The following PDE8B variants were observed in gnomAD, a reference collection of about 807,000 sequenced individuals.
PDE8B encodes phosphodiesterase 8B, also known as high affinity cAMP-specific and IBMX-insensitive 3',5'-cyclic phosphodiesterase 8B.
Under a neutral mutation model 101.3 loss-of-function variants are expected in PDE8B, and 26 were observed. The ratio of observed to expected loss-of-function variants is 0.26; its 90% CI spans 0.19 to 0.36. The LOEUF is 0.36. Ranked by LOEUF, PDE8B falls within the 10% of genes least tolerant of loss-of-function variation. PDE8B has a pLI of 1.00. For missense variants in PDE8B, 810 were observed against 1,163.1 expected, an observed-to-expected ratio of 0.70 and a Z score of 4.42; for synonymous variants, 424 against 429.3, an observed-to-expected ratio of 0.99 and a Z score of 0.15.
chr5:77,154,705 G>A, the PDE8B span, among the ~76,000 whole-genome samples: 21 of 152,270 alleles, frequency 1.4e-4, no homozygotes, highest in African/African-American at 4.3e-4. Context: ...ACCTTGTGAC[G>A]TGACACATAG....
intron 17 of PDE8B, among the ~76,000 whole-genome samples, chr5:77,417,928 A>C (rs1212184655): frequency 6.6e-6 from 1 of 152,196 alleles, no homozygotes; most frequent in African/African-American, 2.4e-5. Context: ...TGGCAGAAAT[A>C]CCATACAGTG....
the PDE8B span, among the ~76,000 whole-genome samples, chr5:77,182,917 A>AT: frequency 0.016 from 2,466 of 151,604 alleles, 69 homozygotes; most frequent in African/African-American, 0.057. Flanking sequence ...CAGGATGACA[A>AT]TTTTTTTTAC....
At chr5:77,414,134 C>G (rs558371457) in intron 17 of PDE8B, among the ~76,000 whole-genome samples, 1 of 152,086 alleles carries the variant, frequency 6.6e-6, no homozygotes, top group Non-Finnish European at 1.5e-5. Flanking sequence ...GATTAAGGTC[C>G]TAGGTACTTA....
the PDE8B span, among the ~76,000 whole-genome samples, chr5:77,116,220 A>ATTTTTT: frequency 1.3e-5 from 1 of 75,904 alleles, no homozygotes; most frequent in African/African-American, 7.2e-5. Context: ...ATATATATAT[A>ATTTTTT]TATATTTTTT....
Position 77,211,372 on chromosome 5 carries a change from T to G in PDE8B, c.339+108T>G. On this transcript the variant is annotated intron_variant, in intron 1 of 21. Coordinates refer to ENST00000264917, the MANE Select transcript of PDE8B (RefSeq NM_003719.5). This position sits in a 1 kb window ranked among gnomAD's most constrained non-coding sequence, Gnocchi z 4.1. ...TTGGGTGACCGTGAGGCGGTTGGTT[T>G]GGAGAGGTTGTCACTAAGGAGGAGT... is the stretch of plus-strand genomic sequence containing the variant. The G allele has an allele frequency of 1.0e-6, 1 of 998,470 alleles. No homozygotes were observed. The highest frequency in any genetic ancestry group is 1.6e-5 in the South Asian group (1 of 62,964). 61.9% of individuals were successfully genotyped at this position (998,470 alleles called of 1,614,324 possible).
intron 1 of PDE8B, among the ~76,000 whole-genome samples, chr5:77,248,896 C>T (rs2149602569): frequency 6.6e-6 from 1 of 152,286 alleles, no homozygotes; most frequent in Admixed American, 6.5e-5. Context: ...ACTCCCCACT[C>T]CCTGCCATGT....
intron 3 of PDE8B, among the ~76,000 whole-genome samples, chr5:77,328,121 G>C (rs2150257772): frequency 6.6e-6 from 1 of 152,294 alleles, no homozygotes; most frequent in Non-Finnish European, 1.5e-5. Context: ...TCCCTTCCAA[G>C]ATATCTCAGA....
rs766062497 is a variant in PDE8B, at chr5:77,351,093, G to A, written c.1046G>A (p.Arg349Gln). Residue 349 changes from arginine to glutamine, a missense_variant, in exon 9 of 22, where the codon CGG becomes CAG. Physicochemically the swap from Arg to Gln is conservative, Grantham distance 43. Around this residue, in one of 4 missense-constraint regions of PDE8B, gnomAD observed 251 missense variants for 378.8 expected, o/e 0.66. Transcript: ENST00000264917. ...TGGCAGGGGGTTTACTATGCCAGAC[G>A]GAAATCCGGGGACAGCATCCAACAG... ...KEWQGVYYAR[R>Q]KSGDSIQQHV... 35 of 1,613,968 alleles carry A rather than the reference G, an allele frequency of 2.2e-5. No individual in the cohort carries two copies. In the Admixed American group the frequency reaches 2.7e-4, roughly 12 times the overall value.
chr5:77,388,592 G>A (rs969186751), intron 10 of PDE8B, among the ~76,000 whole-genome samples: 1 of 152,206 alleles, frequency 6.6e-6, no homozygotes, highest in Non-Finnish European at 1.5e-5. Flanking sequence ...AGCAGAGCTT[G>A]CACGCTGTGC....
chr5:77,358,381 T>C (rs1031676701), intron 10 of PDE8B: 1 of 933,820 alleles, frequency 1.1e-6, no homozygotes, highest in Non-Finnish European at 1.3e-6. Flanking sequence ...CCCATGTCTC[T>C]ACCCTGCAAA....
At chr5:77,187,035 G>T in the PDE8B span, among the ~76,000 whole-genome samples, 2 of 152,348 alleles carry the variant, frequency 1.3e-5, no homozygotes, top group East Asian at 3.9e-4. Context: ...GGCAGTGGTT[G>T]TAATGGATTT....
At chr5:77,386,962 C>T (rs1788806963) in intron 10 of PDE8B, among the ~76,000 whole-genome samples, 1 of 135,342 alleles carries the variant, frequency 7.4e-6, no homozygotes, top group Non-Finnish European at 1.5e-5. Context: ...CGGCTCACTG[C>T]AAGCTCCGCT....
At chr5:77,175,492 A>C in the PDE8B span, among the ~76,000 whole-genome samples, 1 of 152,164 alleles carries the variant, frequency 6.6e-6, no homozygotes, top group Admixed American at 6.5e-5. Flanking sequence ...TGCCAGTTTA[A>C]ACATCCCCTC....
the PDE8B span, among the ~76,000 whole-genome samples, chr5:77,181,137 A>G: frequency 7.0e-6 from 1 of 143,216 alleles, no homozygotes; most frequent in Non-Finnish European, 1.5e-5. Flanking sequence ...TTCTAGGGAC[A>G]ACGCTAGCTG....
intron 2 of PDE8B, among the ~76,000 whole-genome samples, chr5:77,318,080 CA>C (rs1164470411): frequency 2.9e-4 from 35 of 119,716 alleles, no homozygotes; most frequent in African/African-American, 9.9e-4. Context: ...AAAAAAAACA[CA>C]ACAACAACAA....
the PDE8B span, among the ~76,000 whole-genome samples, chr5:77,188,438 A>G: frequency 2.6e-5 from 4 of 152,192 alleles, no homozygotes; most frequent in Non-Finnish European, 4.4e-5. Context: ...TGGCTACTGA[A>G]GTATTTTCAC....
At chr5:77,115,954 C>A in the PDE8B span, among the ~76,000 whole-genome samples, 2 of 152,018 alleles carry the variant, frequency 1.3e-5, no homozygotes, top group South Asian at 2.1e-4. Context: ...AGAAACCTAG[C>A]AGAGTGACAT....
the PDE8B span, among the ~76,000 whole-genome samples, chr5:77,111,188 G>A: frequency 1.3e-5 from 2 of 152,194 alleles, no homozygotes; most frequent in Non-Finnish European, 1.5e-5. Flanking sequence ...AGGTGAAGAT[G>A]ACAGCTTAGA....
rs71594634 is a variant in PDE8B at position 77,423,632 on chromosome 5, GTTTT to G, written c.2418+1668_2418+1671del. ...TGATGCTGGACTTTTGTTTTGTTTA[GTTTT>G]TTTTTTTTTTTTTTTTTTTTTTTGA... On this transcript the variant is annotated intron_variant, in intron 20 of 21. Transcript: ENST00000264917. Among the ~76,000 whole-genome samples, 69 of 74,046 alleles carry G rather than the reference GTTTT, an allele frequency of 9.3e-4. 2 individuals carry two copies. The highest frequency in any genetic ancestry group is 2.7e-3 in the African/African-American group (51 of 19,186). 48.6% of individuals were successfully genotyped at this position (74,046 alleles called of 152,430 possible). A position where few individuals can be genotyped will look rare whatever the true frequency, so the allele number is the denominator to read the frequency against.
Sources: allele counts gnomAD v4.1 joint callset (sites outside exome capture counted in the v4.1 genomes callset), GRCh38; gene constraint gnomAD v4.1.1; regional missense constraint gnomAD v4.1.1; non-coding constraint Gnocchi (gnomAD v3.1); transcripts MANE v1.5; gene names NCBI Gene and HGNC (gene_info 2026-07-23, HGNC 2026-07-21).